DAB1: variants seen among roughly 807,000 people sequenced by gnomAD.
The protein encoded by DAB1 is disabled homolog 1.
In DAB1, 15 loss-of-function variants were observed where a neutral mutation model predicts 64.6. That is an observed-to-expected ratio of 0.23 (90% confidence interval 0.16 to 0.36). DAB1 has a LOEUF of 0.36. DAB1 is among the 10% of genes least tolerant of loss of function. The pLI, the probability that DAB1 is intolerant of heterozygous loss-of-function variation, is 1.00. For missense variants in DAB1, 596 were observed against 706.7 expected (o/e 0.84, Z 1.78); for synonymous variants, 235 against 251.9 (o/e 0.93, Z 0.64).
chr1:57,076,152 G>A (rs974176079), intron 4 of DAB1, among the ~76,000 whole-genome samples: 13 of 152,128 alleles, frequency 8.5e-5, no homozygotes, highest in Non-Finnish European at 1.6e-4. Flanking sequence ...ATGGTCCTAG[G>A]GCATAAGAAC....
intron 6 of DAB1, among the ~76,000 whole-genome samples, chr1:57,711,919 C>A (rs1307678593): frequency 2.0e-5 from 3 of 152,194 alleles, no homozygotes; most frequent in Admixed American, 2.0e-4. Context: ...TATTGGAAAT[C>A]AAAAATTGTA....
chr1:57,787,907 A>T (rs1348497072), intron 6 of DAB1, among the ~76,000 whole-genome samples: 1 of 152,128 alleles, frequency 6.6e-6, no homozygotes, highest in African/African-American at 2.4e-5. Context: ...GCCCATGAAA[A>T]GATACTCGGT....
At chr1:58,403,187 CTGAGGT>C (rs1644587954) in intron 3 of DAB1, among the ~76,000 whole-genome samples, 1 of 152,130 alleles carries the variant, frequency 6.6e-6, no homozygotes, top group Non-Finnish European at 1.5e-5. Flanking sequence ...CTTGCCCATA[CTGAGGT>C]TTGGTCACTT....
At chr1:57,660,917 C>T (rs547125714) in intron 6 of DAB1, among the ~76,000 whole-genome samples, 1 of 152,300 alleles carries the variant, frequency 6.6e-6, no homozygotes, top group South Asian at 2.1e-4. Context: ...ACCCTTACTC[C>T]CTAGTAAACT....
chr1:57,659,746 G>A (rs1354446935), intron 6 of DAB1, among the ~76,000 whole-genome samples: 1 of 152,106 alleles, frequency 6.6e-6, no homozygotes, highest in Non-Finnish European at 1.5e-5. Flanking sequence ...GGAGGCTGAG[G>A]TGGGCAGATG....
At chr1:57,572,797 C>T (rs752037921) in intron 7 of DAB1, among the ~76,000 whole-genome samples, 3 of 152,130 alleles carry the variant, frequency 2.0e-5, no homozygotes, top group Admixed American at 6.5e-5. Context: ...AGGGAGGCCT[C>T]AGGAGGCTTA....
chr1:58,055,242 C>T (rs1647978565), intron 5 of DAB1, among the ~76,000 whole-genome samples: 1 of 152,208 alleles, frequency 6.6e-6, no homozygotes, highest in Non-Finnish European at 1.5e-5. Flanking sequence ...GATCTCATCA[C>T]ACTCAGTTCC....
intron 9 of DAB1, among the ~76,000 whole-genome samples, chr1:57,027,872 A>G (rs1283821348): frequency 6.6e-6 from 1 of 152,096 alleles, no homozygotes; most frequent in Non-Finnish European, 1.5e-5. Flanking sequence ...CTGCACAATA[A>G]TTTTTCATAA....
At chr1:58,090,063 C>T (rs561680643) in intron 5 of DAB1, among the ~76,000 whole-genome samples, 34 of 152,306 alleles carry the variant, frequency 2.2e-4, no homozygotes, top group African/African-American at 7.7e-4. Flanking sequence ...AGCCTTGTTT[C>T]TTCATCTGCA....
At chr1:57,225,474 C>A (rs969034590) in intron 2 of DAB1, among the ~76,000 whole-genome samples, 1 of 152,130 alleles carries the variant, frequency 6.6e-6, no homozygotes, top group African/African-American at 2.4e-5. Context: ...CTTTCACCAC[C>A]CACCCATGCC....
intron 7 of DAB1, among the ~76,000 whole-genome samples, chr1:57,442,765 C>T (rs1686002478): frequency 6.6e-6 from 1 of 152,214 alleles, no homozygotes; most frequent in Admixed American, 6.5e-5. Flanking sequence ...AGTGCCGCCC[C>T]TGCGAGTGTC....
chr1:57,904,534 T>C (rs1569959243), intron 5 of DAB1, among the ~76,000 whole-genome samples: 1 of 152,042 alleles, frequency 6.6e-6, no homozygotes, highest in Non-Finnish European at 1.5e-5. Flanking sequence ...ATAAATACCA[T>C]GGAAAATAAA....
intron 1 of DAB1, among the ~76,000 whole-genome samples, chr1:57,334,735 G>A (rs2100808062): frequency 6.6e-6 from 1 of 152,314 alleles, no homozygotes; most frequent in East Asian, 1.9e-4. Context: ...TGTGAAGTAA[G>A]CACTATTATT....
chr1:57,971,489 C>A (rs568932305), intron 5 of DAB1, among the ~76,000 whole-genome samples: 13 of 152,254 alleles, frequency 8.5e-5, no homozygotes, highest in African/African-American at 3.1e-4. Context: ...GGCCTAGATT[C>A]CAGCCTCAGC....
At chr1:57,793,584 G>A (rs1018270814) in intron 6 of DAB1, among the ~76,000 whole-genome samples, 1 of 152,146 alleles carries the variant, frequency 6.6e-6, no homozygotes, top group Non-Finnish European at 1.5e-5. Flanking sequence ...ATGCTGGTCA[G>A]TGTTGCATGG....
At chr1:58,362,922 T>C (rs11207208) in intron 3 of DAB1, among the ~76,000 whole-genome samples, 30,513 of 152,164 alleles carry the variant, frequency 0.2, 3,143 homozygotes, top group Middle Eastern at 0.3. Flanking sequence ...TTTATTTTCT[T>C]ACATTTCCGG....
At chr1:57,334,463 G>A (rs971068304) in intron 1 of DAB1, among the ~76,000 whole-genome samples, 22 of 152,162 alleles carry the variant, frequency 1.4e-4, no homozygotes, top group African/African-American at 5.1e-4. Flanking sequence ...CTGATATAAC[G>A]TCTTACAGGC....
intron 5 of DAB1, among the ~76,000 whole-genome samples, chr1:58,010,807 C>G (rs922705307): frequency 6.6e-6 from 1 of 152,196 alleles, no homozygotes; most frequent in African/African-American, 2.4e-5. Context: ...ATCAGCTTCT[C>G]CTTCCCTTAT....
intron 5 of DAB1, among the ~76,000 whole-genome samples, chr1:58,037,410 A>G (rs1248922307): frequency 2.0e-5 from 3 of 152,136 alleles, no homozygotes; most frequent in Non-Finnish European, 4.4e-5. Flanking sequence ...GTGGCCAGTT[A>G]GGAACTGGGC....
Sources: allele counts gnomAD v4.1 joint callset (sites outside exome capture counted in the v4.1 genomes callset), GRCh38; gene constraint gnomAD v4.1.1; transcripts MANE v1.5; gene names NCBI Gene and HGNC (gene_info 2026-07-23, HGNC 2026-07-21).